The following PGR variants were observed in gnomAD, a reference collection of about 807,000 sequenced individuals.
PGR encodes the protein nuclear receptor subfamily 3 group C member 3.
PGR carries 25 observed loss-of-function variants against 76.1 expected under a neutral mutation model. That is an observed-to-expected ratio of 0.33 (90% CI 0.24 to 0.46). PGR has a LOEUF of 0.46. Ranked by LOEUF, PGR falls within the 20% of genes least tolerant of loss-of-function variation. The probability of loss-of-function intolerance (pLI) is 1.00; values close to 1 mark genes in which losing one functional copy is unlikely to be tolerated. For missense variants in PGR, 1,172 were observed against 1,225.3 expected, an observed-to-expected ratio of 0.96 and a Z score of 0.65; for synonymous variants, 579 against 535.0, an observed-to-expected ratio of 1.08 and a Z score of -1.14.
Position 101,034,084 on chromosome 11 carries a change from T to A in PGR, c.*5032A>T, listed in dbSNP as rs1231040161. 1 of 231,444 alleles carries A rather than the reference T, an allele frequency of 4.3e-6. No individual in the cohort carries two copies. Among genetic ancestry groups the A allele is most frequent in the Non-Finnish European group, 8.5e-6 (1 of 117,006 alleles). 14.3% of individuals were successfully genotyped at this position (231,444 alleles called of 1,614,324 possible). On this transcript the variant is annotated 3_prime_UTR_variant, in exon 8 of 8. Coordinates refer to ENST00000325455, the MANE Select transcript of PGR (RefSeq NM_000926.4). ...CCGTAATGGACAGAGTATGCTTTCT[T>A]AGCTGCCTGATTCACATTTCTCTAA... is the stretch of plus-strand genomic sequence containing the variant.
At chr11:101,095,267 T>A (rs1861800599) in intron 2 of PGR, among the ~76,000 whole-genome samples, 1 of 152,174 alleles carries the variant, frequency 6.6e-6, no homozygotes, top group Non-Finnish European at 1.5e-5. Flanking sequence ...ATCCATGTTT[T>A]CCCCCACTAA....
At position 101,034,015 on chromosome 11, in the gene PGR, A is replaced by G. The variant is rs1428366524; in HGVS notation, c.*5101T>C. On this transcript the variant is annotated 3_prime_UTR_variant, in exon 8 of 8. Transcript: ENST00000325455. ...TATCTATCCGAATATTGACCAGGAC[A>G]CTAATGCCACACTGCAGAGTTAATA... The G allele has an allele frequency of 4.3e-6, 1 of 230,728 alleles. No homozygotes were observed. The highest frequency in any genetic ancestry group is 8.6e-6 in the Non-Finnish European group (1 of 116,544). The allele number at this position is 230,728 out of a possible 1,614,324, so 14.3% of individuals were successfully genotyped here.
At chr11:101,087,758 A>C (rs1270192498) in intron 3 of PGR, among the ~76,000 whole-genome samples, 1 of 152,112 alleles carries the variant, frequency 6.6e-6, no homozygotes, top group African/African-American at 2.4e-5. Flanking sequence ...AATCTCACCA[A>C]AAAAATGGGC....
At position 101,127,679 on chromosome 11, in the gene PGR, T is replaced by A; in HGVS notation, c.1392A>T (p.Lys464Asn). Residue 464 changes from lysine (K) to asparagine (N), a missense_variant, in exon 1 of 8, where the codon AAA becomes AAT. Physicochemically the swap from Lys to Asn is moderately conservative, Grantham distance 94. Coordinates refer to ENST00000325455, the MANE Select transcript of PGR (RefSeq NM_000926.4). ...CCTGCTGGGGCGGCGCGCCCTCCGC[T>A]TTGTACAGGATGCACTCCAGGGTCG... ...SGSTLECILYKAEGAPPQQGP... is the reference protein window; with the variant it reads ...SGSTLECILYNAEGAPPQQGP... 6.4e-7 allele frequency: 1 copy of A among 1,573,028 alleles called. No individual in the cohort carries two copies. The highest frequency in any genetic ancestry group is 8.6e-7 in the Non-Finnish European group (1 of 1,168,694).
Position 101,128,509 on chromosome 11 carries a change from C to T in PGR, c.562G>A (p.Gly188Ser), listed in dbSNP as rs759872729. The T allele has an allele frequency of 7.5e-6, 12 of 1,603,452 alleles. No individual in the cohort carries two copies. The African/African-American group carries it at 1.3e-4, about 18-fold the overall frequency. ...AGCAGCTGCCGGGCTGGTGACAGGC[C>T]CCGGGGCAGCACTTTATGGGCAGCT... Reference protein sequence around the residue: ...TAAAHKVLPRGLSPARQLLLP... With the variant: ...TAAAHKVLPRSLSPARQLLLP... Residue 188 changes from glycine to serine, a missense_variant, in exon 1 of 8, where the codon GGC (glycine) becomes AGC (serine). Gly to Ser is a moderately conservative substitution (Grantham distance 56). Transcript: ENST00000325455.
At position 101,030,749 on chromosome 11, in the gene PGR, C is replaced by G. The variant is rs1045478048; in HGVS notation, c.*8367G>C. 13 of 205,376 alleles carry G rather than the reference C, an allele frequency of 6.3e-5. No individual in the cohort carries two copies. Among genetic ancestry groups the G allele is most frequent in the Admixed American group, 4.2e-4 (7 of 16,774 alleles). 12.7% of individuals were successfully genotyped at this position (205,376 alleles called of 1,614,324 possible). ...GGCTTTCTCAAGCGAAAAACATGGTCTAAATCTCAAAGGTATCCTTAAAAG... is the reference window on the plus strand; with the variant it reads ...GGCTTTCTCAAGCGAAAAACATGGTGTAAATCTCAAAGGTATCCTTAAAAG... On this transcript the variant is annotated 3_prime_UTR_variant, in exon 8 of 8. Coordinates refer to ENST00000325455, the MANE Select transcript of PGR (RefSeq NM_000926.4).
rs1863020194 is a variant in PGR at position 101,129,163 on chromosome 11, G to A, written c.-93C>T. The A allele has an allele frequency of 2.0e-6, 2 of 976,344 alleles. No individual in the cohort carries two copies. The highest frequency in any genetic ancestry group is 2.8e-6 in the Non-Finnish European group (2 of 723,166). 60.5% of individuals were successfully genotyped at this position (976,344 alleles called of 1,614,324 possible). On this transcript the variant is annotated 5_prime_UTR_variant, in exon 1 of 8. Transcript: ENST00000325455. ...TTCGGGAATATAGGGGCAGAGGGAG[G>A]AGAAAGTGGGTGTTGAATGTGGCTG...
In PGR at chr11:101,032,474, TCA is replaced by T. The variant is rs1171949487; in HGVS notation, c.*6640_*6641del. On this transcript the variant is annotated 3_prime_UTR_variant, in exon 8 of 8. Coordinates refer to ENST00000325455, the MANE Select transcript of PGR (RefSeq NM_000926.4). Reference sequence around the variant, plus strand: ...GATTATCTAGACCTGGCTTTCTTCTTCAGTCTCATCATCCATCCCCACCCCAC... The same window carrying T: ...GATTATCTAGACCTGGCTTTCTTCTTGTCTCATCATCCATCCCCACCCCAC... 4.3e-6 allele frequency: 1 copy of T among 232,694 alleles called. No individual in the cohort carries two copies. Among genetic ancestry groups the T allele is most frequent in the East Asian group, 6.1e-5 (1 of 16,482 alleles). 14.4% of individuals were successfully genotyped at this position (232,694 alleles called of 1,614,324 possible).
intron 2 of PGR, among the ~76,000 whole-genome samples, chr11:101,106,448 C>T (rs58446807): frequency 0.033 from 4,991 of 152,100 alleles, 241 homozygotes; most frequent in African/African-American, 0.11. Context: ...TTTATGCAGC[C>T]GACAGACATG....
In PGR at chr11:101,128,383, C is replaced by G. The variant is rs1482228418; in HGVS notation, c.688G>C (p.Glu230Gln). ...TTCAGAAGCGGACCCGCAGACTCCT[C>G]GGACTCAGAGCCATCCTCCTCCTCA... ...EVEEEDGSES[E>Q]ESAGPLLKGK... The change falls in exon 1 of 8, where the codon GAG becomes CAG. Residue 230 changes from glutamate to glutamine, a missense_variant. Physicochemically the swap from Glu to Gln is conservative, Grantham distance 29 (BLOSUM62 2). This residue lies in a region of PGR where 893 missense variants were observed against 785.9 expected (regional missense o/e 1.14). Transcript: ENST00000325455. The G allele has an allele frequency of 3.1e-6, 5 of 1,608,804 alleles. No homozygotes were observed. The highest frequency in any genetic ancestry group is 1.1e-5 in the South Asian group (1 of 91,024).
intron 3 of PGR, among the ~76,000 whole-genome samples, chr11:101,070,691 T>C (rs975149166): frequency 6.6e-6 from 1 of 152,120 alleles, no homozygotes; most frequent in Non-Finnish European, 1.5e-5. Flanking sequence ...CCCCTCACAG[T>C]GTAAGCAAAA....
At chr11:101,080,822 C>T (rs1861280104) in intron 3 of PGR, among the ~76,000 whole-genome samples, 1 of 151,896 alleles carries the variant, frequency 6.6e-6, no homozygotes, top group Non-Finnish European at 1.5e-5. Flanking sequence ...CACTTAAAGC[C>T]TTCAATTATA....
chr11:101,116,601 A>G (rs1308576362), intron 2 of PGR, among the ~76,000 whole-genome samples: 3 of 152,002 alleles, frequency 2.0e-5, no homozygotes, highest in African/African-American at 7.2e-5. Context: ...TTAGCTGGGC[A>G]TGGTGGTGGG....
At chr11:101,053,303 G>T (rs1305650124) in intron 4 of PGR, among the ~76,000 whole-genome samples, 1 of 152,048 alleles carries the variant, frequency 6.6e-6, no homozygotes, top group Non-Finnish European at 1.5e-5. Flanking sequence ...AAAAAAGAAG[G>T]CTCTTCTCTT....
rs923191082 is a variant in PGR at position 101,074,674 on chromosome 11, A to T, written c.1907-11922T>A. Reference sequence around the variant, plus strand: ...GTGCAAAAATCACAGGCATTCCTATACACCAATAATAGACAAACAGAGAGC... The same window carrying T: ...GTGCAAAAATCACAGGCATTCCTATTCACCAATAATAGACAAACAGAGAGC... On this transcript the variant is annotated intron_variant, in intron 3 of 7. Transcript: ENST00000325455. 7.2e-5 allele frequency among the ~76,000 whole-genome samples: 11 copies of T among 152,314 alleles called. No individual in the cohort carries two copies. The East Asian group carries it at 1.4e-3, about 19-fold the overall frequency.
At chr11:101,087,806 C>T (rs1861543282) in intron 3 of PGR, among the ~76,000 whole-genome samples, 1 of 151,732 alleles carries the variant, frequency 6.6e-6, no homozygotes, top group Non-Finnish European at 1.5e-5. Context: ...AGGAGACATA[C>T]AAGCAGCCAA....
intron 2 of PGR, among the ~76,000 whole-genome samples, chr11:101,121,269 C>A (rs1862666708): frequency 6.6e-6 from 1 of 151,926 alleles, no homozygotes; most frequent in Admixed American, 6.6e-5. Flanking sequence ...TTCTCAGAGC[C>A]CAAATATTAT....
At chr11:101,091,696 C>G (rs1043504554) in intron 3 of PGR, 64 bp downstream of exon 3, 1 of 903,560 alleles carries the variant, frequency 1.1e-6, no homozygotes, top group African/African-American at 1.6e-5. Flanking sequence ...TTGCAATTTT[C>G]TGACACACAG....
intron 6 of PGR, among the ~76,000 whole-genome samples, chr11:101,047,083 A>G (rs1213309990): frequency 4.6e-5 from 7 of 152,262 alleles, no homozygotes; most frequent in South Asian, 4.1e-4. Flanking sequence ...CTTTTTGTGA[A>G]GTGGCAAATG....
Sources: gnomAD v4.1 joint callset for allele counts (sites outside exome capture counted in the v4.1 genomes callset) on GRCh38, gnomAD v4.1.1 for gene constraint, gnomAD v4.1.1 regional missense constraint, MANE v1.5 for transcripts, NCBI Gene and HGNC (gene_info 2026-07-23, HGNC 2026-07-21) for gene names.